Variants in CCSER1 observed in about 807,000 individuals in gnomAD.
CCSER1 encodes serine-rich coiled-coil domain-containing protein 1.
In CCSER1, 41 loss-of-function variants were observed where a neutral mutation model predicts 82.0. That is an observed-to-expected ratio of 0.50 (90% CI 0.39 to 0.65). The LOEUF (loss-of-function observed/expected upper bound fraction) is 0.65. Ranked by LOEUF, CCSER1 falls within the 30% of genes least tolerant of loss-of-function variation. The pLI is 0.00. For missense variants in CCSER1, 1,119 were observed against 1,064.2 expected, an observed-to-expected ratio of 1.05 and a Z score of -0.72; for synonymous variants, 414 against 383.9, an observed-to-expected ratio of 1.08 and a Z score of -0.92.
chr4:91,309,755 G>T (rs1745330014), intron 10 of CCSER1, among the ~76,000 whole-genome samples: 1 of 151,882 alleles, frequency 6.6e-6, no homozygotes, highest in Admixed American at 6.6e-5. Flanking sequence ...GAATATATAA[G>T]AATTTAATTT....
chr4:90,891,583 A>T (rs192430480), intron 8 of CCSER1, among the ~76,000 whole-genome samples: 1 of 152,082 alleles, frequency 6.6e-6, no homozygotes, highest in Admixed American at 6.6e-5. Context: ...CCTTAAGACT[A>T]AAATATTTCT....
At chr4:90,947,428 T>C (rs1235626192) in intron 9 of CCSER1, among the ~76,000 whole-genome samples, 1 of 152,208 alleles carries the variant, frequency 6.6e-6, no homozygotes, top group Non-Finnish European at 1.5e-5. Context: ...TATCTCAATT[T>C]TTAACATATG....
chr4:91,521,733 T>C (rs1298218962), intron 10 of CCSER1, among the ~76,000 whole-genome samples: 2 of 152,214 alleles, frequency 1.3e-5, no homozygotes, highest in South Asian at 2.1e-4. Context: ...GGTTGTTTGA[T>C]ATTTTCTTGT....
At chr4:91,354,229 A>C (rs940542923) in intron 10 of CCSER1, among the ~76,000 whole-genome samples, 10 of 152,182 alleles carry the variant, frequency 6.6e-5, no homozygotes, top group African/African-American at 2.2e-4. Flanking sequence ...ATAATATTGT[A>C]TGATTTTTTC....
At chr4:90,138,598 C>G (rs2153329305) in intron 1 of CCSER1, among the ~76,000 whole-genome samples, 2 of 152,294 alleles carry the variant, frequency 1.3e-5, no homozygotes, top group South Asian at 4.1e-4. Context: ...TCTAGGGAAG[C>G]AAGAAGCAGT....
intron 10 of CCSER1, among the ~76,000 whole-genome samples, chr4:91,149,120 C>T (rs1031693407): frequency 2.0e-5 from 3 of 152,232 alleles, no homozygotes; most frequent in East Asian, 3.9e-4. Context: ...TGTTCCTATT[C>T]CTCCACATCC....
At chr4:91,461,453 A>G (rs1756494797) in intron 10 of CCSER1, among the ~76,000 whole-genome samples, 1 of 152,116 alleles carries the variant, frequency 6.6e-6, no homozygotes, top group Admixed American at 6.6e-5. Flanking sequence ...TTTAGTCTAG[A>G]GTGTGTAAAA....
intron 5 of CCSER1, among the ~76,000 whole-genome samples, chr4:90,602,211 A>T (rs1440203949): frequency 4.6e-5 from 7 of 152,172 alleles, no homozygotes; most frequent in Non-Finnish European, 1.0e-4. Flanking sequence ...GCTGCAAAGC[A>T]CATTTAAGAT....
At chr4:90,638,344 A>G (rs556015122) in intron 6 of CCSER1, among the ~76,000 whole-genome samples, 5 of 152,170 alleles carry the variant, frequency 3.3e-5, no homozygotes, top group Admixed American at 6.6e-5. Flanking sequence ...AAATATCATT[A>G]CACAACTGTT....
chr4:90,797,798 C>A (rs180877447), intron 7 of CCSER1, among the ~76,000 whole-genome samples: 1 of 152,168 alleles, frequency 6.6e-6, no homozygotes, highest in African/African-American at 2.4e-5. Context: ...TGAATATAGG[C>A]CGCCAATGTC....
chr4:90,331,282 G>A (rs765824121), intron 3 of CCSER1, among the ~76,000 whole-genome samples: 29 of 151,994 alleles, frequency 1.9e-4, no homozygotes, highest in African/African-American at 7.0e-4. Context: ...ATTAAAGAGA[G>A]TGTTAAAAAG....
chr4:90,467,047 A>T (rs1319806876), intron 4 of CCSER1, among the ~76,000 whole-genome samples: 1 of 152,216 alleles, frequency 6.6e-6, no homozygotes, highest in Non-Finnish European at 1.5e-5. Context: ...TACTAGACAT[A>T]GATGAATCTT....
intron 5 of CCSER1, among the ~76,000 whole-genome samples, chr4:90,493,656 A>G (rs927812139): frequency 1.3e-5 from 2 of 152,186 alleles, no homozygotes; most frequent in African/African-American, 4.8e-5. Context: ...TTTCATATCC[A>G]GCCAAACTAA....
intron 3 of CCSER1, among the ~76,000 whole-genome samples, chr4:90,379,399 A>G (rs1421747303): frequency 1.3e-5 from 2 of 152,220 alleles, no homozygotes; most frequent in Non-Finnish European, 2.9e-5. Flanking sequence ...TCTATAGGAC[A>G]TAGTTGAGGC....
intron 1 of CCSER1, among the ~76,000 whole-genome samples, chr4:90,199,605 A>G (rs1305880371): frequency 7.3e-6 from 1 of 136,532 alleles, no homozygotes; most frequent in Non-Finnish European, 1.6e-5. Flanking sequence ...CCTCTCAAGG[A>G]AAGTAAAATT....
intron 10 of CCSER1, among the ~76,000 whole-genome samples, chr4:91,194,619 T>G (rs1735256442): frequency 6.6e-6 from 1 of 152,126 alleles, no homozygotes; most frequent in Non-Finnish European, 1.5e-5. Flanking sequence ...GAAATAAATT[T>G]CACCAACATT....
intron 3 of CCSER1, among the ~76,000 whole-genome samples, chr4:90,338,898 T>A (rs1250697196): frequency 6.6e-6 from 1 of 152,148 alleles, no homozygotes; most frequent in Non-Finnish European, 1.5e-5. Context: ...AATAAGTAAG[T>A]CCTATGAGTT....
intron 6 of CCSER1, among the ~76,000 whole-genome samples, chr4:90,704,592 C>T (rs982519764): frequency 6.6e-6 from 1 of 152,198 alleles, no homozygotes; most frequent in African/African-American, 2.4e-5. Context: ...TCCATTCTCC[C>T]CATCACTTTC....
chr4:91,177,083 G>T (rs971546207), intron 10 of CCSER1, among the ~76,000 whole-genome samples: 1 of 152,128 alleles, frequency 6.6e-6, no homozygotes, highest in African/African-American at 2.4e-5. Context: ...TAATCATGTG[G>T]TTTTTGTCTT....
Sources: gnomAD v4.1 joint callset for allele counts (sites outside exome capture counted in the v4.1 genomes callset) on GRCh38, gnomAD v4.1.1 for gene constraint, MANE v1.5 for transcripts, NCBI Gene and HGNC (gene_info 2026-07-23, HGNC 2026-07-21) for gene names.